NUTF2: variants seen among roughly 807,000 people sequenced by gnomAD.
NUTF2 encodes the protein nuclear transport factor 2.
In NUTF2, 3 loss-of-function variants were observed where a neutral mutation model predicts 18.5. The ratio of observed to expected loss-of-function variants is 0.16; its 90% confidence interval spans 0.07 to 0.42. NUTF2 has a LOEUF of 0.42. NUTF2 is among the 10% of genes least tolerant of loss of function. The probability of loss-of-function intolerance (pLI) is 0.99; values close to 1 mark genes in which losing one functional copy is unlikely to be tolerated. For synonymous variants in NUTF2, 51 were observed against 57.9 expected (o/e 0.88, Z 0.54); for missense variants, 44 against 160.7 (o/e 0.27, Z 3.93).
At chr16:67,867,349 T>C (rs952032874) in intron 2 of NUTF2, among the ~76,000 whole-genome samples, 6 of 152,370 alleles carry the variant, frequency 3.9e-5, no homozygotes, top group African/African-American at 1.2e-4. Context: ...ATTTATTATT[T>C]CATAATACTC....
chr16:67,865,218 G>A lies in NUTF2; in HGVS notation c.88G>A (p.Gly30Ser). The A allele has an allele frequency of 6.2e-7, 1 of 1,611,498 alleles. No homozygotes were observed. The highest frequency in any genetic ancestry group is 2.2e-5 in the East Asian group (1 of 44,820). ...QLFDNDRTQL[G>S]AIYIDASCLT... ...ATTTGATAATGATAGAACCCAACTA[G>A]GCGCAATTTACGTAAGTTTCCAGCT... is the stretch of plus-strand genomic sequence containing the variant. The change falls in exon 2 of 5, where the codon GGC (glycine) becomes AGC (serine). Residue 30 changes from glycine (G) to serine (S), a missense_variant. Physicochemically the swap from Gly to Ser is moderately conservative, Grantham distance 56. Coordinates refer to ENST00000219169, the MANE Select transcript of NUTF2 (RefSeq NM_005796.3).
At chr16:67,849,365 G>A (rs1202092205) in intron 1 of NUTF2, among the ~76,000 whole-genome samples, 8 of 152,146 alleles carry the variant, frequency 5.3e-5, no homozygotes, top group Non-Finnish European at 8.8e-5. Flanking sequence ...CTCTCGAGAC[G>A]GAGTCTCTCT....
At chr16:67,857,114 C>G (rs2057903139) in intron 1 of NUTF2, among the ~76,000 whole-genome samples, 1 of 152,216 alleles carries the variant, frequency 6.6e-6, no homozygotes, top group African/African-American at 2.4e-5. Flanking sequence ...TTAGGGGTCT[C>G]AAGCCCCATT....
intron 4 of NUTF2, among the ~76,000 whole-genome samples, chr16:67,869,715 G>A (rs894385197): frequency 6.6e-6 from 1 of 152,130 alleles, no homozygotes; most frequent in Admixed American, 6.5e-5. Context: ...AACCTGGGAG[G>A]CAGAGGTTGC....
At chr16:67,859,840 C>G (rs1206115350) in intron 1 of NUTF2, among the ~76,000 whole-genome samples, 1 of 118,258 alleles carries the variant, frequency 8.5e-6, no homozygotes, top group Non-Finnish European at 1.6e-5. Context: ...GAGCCTCACT[C>G]TGTCACCCAG....
chr16:67,853,426 C>T (rs564746935), intron 1 of NUTF2, among the ~76,000 whole-genome samples: 11 of 152,264 alleles, frequency 7.2e-5, no homozygotes, highest in African/African-American at 2.4e-4. Flanking sequence ...GGCACGATCT[C>T]GGCTCACAGC....
chr16:67,855,507 C>A (rs1299833981), intron 1 of NUTF2, among the ~76,000 whole-genome samples: 1 of 152,170 alleles, frequency 6.6e-6, no homozygotes, highest in Non-Finnish European at 1.5e-5. Flanking sequence ...GGATAGGGAA[C>A]CCTTATTAGA....
intron 1 of NUTF2, among the ~76,000 whole-genome samples, chr16:67,857,745 A>G (rs974279451): frequency 3.9e-5 from 6 of 152,248 alleles, no homozygotes; most frequent in Non-Finnish European, 8.8e-5. Context: ...CTGTTTAGCC[A>G]CAGCTGTCTC....
chr16:67,867,966 G>A (rs2057985441), intron 2 of NUTF2, among the ~76,000 whole-genome samples: 1 of 152,228 alleles, frequency 6.6e-6, no homozygotes, highest in African/African-American at 2.4e-5. Context: ...GATTACAGGC[G>A]TGAGCCACCG....
chr16:67,856,187 GT>G (rs1219837591), intron 1 of NUTF2: 180 of 307,422 alleles, frequency 5.9e-4, no homozygotes, highest in Middle Eastern at 2.0e-3. Context: ...ATCTCGGCCA[GT>G]TTTTTTTTGT....
intron 1 of NUTF2, chr16:67,855,816 A>G (rs1294700869): frequency 2.6e-5 from 9 of 343,782 alleles, no homozygotes; most frequent in Middle Eastern, 8.9e-4. Context: ...CTGAGGCTCC[A>G]TGGAGCTTGC....
Position 67,848,671 on chromosome 16 carries a change from G to T in NUTF2, c.-30+1686G>T, listed in dbSNP as rs372995543. 2.7e-4 allele frequency among the ~76,000 whole-genome samples: 41 copies of T among 152,060 alleles called. No homozygotes were observed. In the East Asian group the frequency reaches 5.2e-3, roughly 19 times the overall value. ...GCAGGAGAATCGCTTGAATCCGGGA[G>T]GCAGAGGTTGCAGTGGGCAGAGATC... On this transcript the variant is annotated intron_variant, in intron 1 of 4. Coordinates refer to ENST00000219169, the MANE Select transcript of NUTF2 (RefSeq NM_005796.3).
rs779145897 is a variant in NUTF2 at position 67,865,104 on chromosome 16, C to G, written c.-27C>G. ...TCCTGGTCTCATTGGTCTTGCAGGT[C>G]TCCGTGAGGCCGGGTGACGCTCCAG... On this transcript the variant is annotated splice_region_variant and 5_prime_UTR_variant, in exon 2 of 5. Coordinates refer to ENST00000219169, the MANE Select transcript of NUTF2 (RefSeq NM_005796.3). 74 of 1,539,994 alleles carry G rather than the reference C, an allele frequency of 4.8e-5. No homozygotes were observed. The highest frequency in any genetic ancestry group is 6.5e-5 in the Non-Finnish European group (73 of 1,115,210).
At chr16:67,850,780 C>T (rs1293876726) in intron 1 of NUTF2, among the ~76,000 whole-genome samples, 2 of 151,964 alleles carry the variant, frequency 1.3e-5, no homozygotes, top group Non-Finnish European at 2.9e-5. Flanking sequence ...TATGTCCCTT[C>T]GTGTATAGGA....
chr16:67,869,936 C>T (rs1334829987), intron 4 of NUTF2: 1 of 152,256 alleles, frequency 6.6e-6, no homozygotes, highest in African/African-American at 2.4e-5. Context: ...GACAGGGCTT[C>T]CTGAGTCCAG....
chr16:67,870,659 C>T (rs2058005111), intron 4 of NUTF2, 141 bp from the exon 5 acceptor site: 1 of 712,766 alleles, frequency 1.4e-6, no homozygotes, highest in Admixed American at 2.4e-5. Context: ...TTCACAAGTA[C>T]CCCTTGGCTA....
chr16:67,854,601 G>A (rs2057882163), intron 1 of NUTF2, among the ~76,000 whole-genome samples: 2 of 152,226 alleles, frequency 1.3e-5, no homozygotes, highest in African/African-American at 4.8e-5. Context: ...TCCTTTTGGG[G>A]CAAGGGGAGT....
At chr16:67,855,825 G>T in intron 1 of NUTF2, 1 of 373,058 alleles carries the variant, frequency 2.7e-6, no homozygotes, top group Non-Finnish European at 5.0e-6. Context: ...CATGGAGCTT[G>T]CTGATTTCAT....
intron 1 of NUTF2, among the ~76,000 whole-genome samples, chr16:67,858,063 G>A (rs187471518): frequency 2.2e-4 from 34 of 152,340 alleles, no homozygotes; most frequent in African/African-American, 7.5e-4. Context: ...GCTTTGTCAG[G>A]GAGATAGACC....
Sources: gnomAD v4.1 joint callset for allele counts (sites outside exome capture counted in the v4.1 genomes callset) on GRCh38, gnomAD v4.1.1 for gene constraint, MANE v1.5 for transcripts, NCBI Gene and HGNC (gene_info 2026-07-23, HGNC 2026-07-21) for gene names.